KLRG1: variants seen among roughly 807,000 people sequenced by gnomAD.
KLRG1 encodes killer cell lectin-like receptor subfamily G member 1.
Under a neutral mutation model 21.8 loss-of-function variants are expected in KLRG1, and 16 were observed. The observed-to-expected ratio is 0.73, with a 90% confidence interval of 0.50 to 1.11. The LOEUF (loss-of-function observed/expected upper bound fraction) is 1.11, where lower values mean the gene tolerates loss of function less well. Ranked by LOEUF, KLRG1 falls within the 50% of genes most tolerant of loss-of-function variation. The pLI is 0.00. For synonymous variants in KLRG1, 69 were observed against 75.9 expected, an observed-to-expected ratio of 0.91 and a Z score of 0.47; for missense variants, 173 against 218.3, an observed-to-expected ratio of 0.79 and a Z score of 1.31.
the KLRG1 span, chr12:9,135,495 CGACATACA>C: frequency 2.8e-6 from 1 of 357,518 alleles, no homozygotes; most frequent in South Asian, 2.8e-5. Context: ...AAAACAGCAC[CGACATACA>C]AATGGTAGAC....
chr12:9,110,046 A>G, the KLRG1 span: 5 of 1,597,842 alleles, frequency 3.1e-6, no homozygotes, highest in Non-Finnish European at 1.7e-6. Context: ...CTATATGAGT[A>G]AATTAATTAT....
chr12:9,117,810 TTTTA>T, the KLRG1 span, among the ~76,000 whole-genome samples: 2 of 151,882 alleles, frequency 1.3e-5, no homozygotes, highest in Non-Finnish European at 2.9e-5. Flanking sequence ...TAATAGTGTA[TTTTA>T]TTTAATCCAA....
the KLRG1 span, among the ~76,000 whole-genome samples, chr12:9,018,095 C>T: frequency 6.6e-6 from 1 of 152,030 alleles, no homozygotes; most frequent in Non-Finnish European, 1.5e-5. Flanking sequence ...GACATTGATG[C>T]AAGAAATTGA....
chr12:8,955,806 G>T (rs1237188526), intron 1 of KLRG1, among the ~76,000 whole-genome samples: 1 of 152,026 alleles, frequency 6.6e-6, no homozygotes, highest in Non-Finnish European at 1.5e-5. Flanking sequence ...GGTAGATACG[G>T]GCGGGTCCCT....
chr12:9,197,052 T>A, the KLRG1 span: 1 of 1,613,698 alleles, frequency 6.2e-7, no homozygotes, highest in South Asian at 1.1e-5. Flanking sequence ...CTTGTCACAA[T>A]TAAGAACACG....
chr12:9,112,602 T>A, the KLRG1 span: 1 of 1,569,094 alleles, frequency 6.4e-7, no homozygotes, highest in Non-Finnish European at 8.7e-7. Flanking sequence ...TATTTGCTGT[T>A]GCACTCTTCC....
chr12:9,190,294 C>T, the KLRG1 span, among the ~76,000 whole-genome samples: 85,191 of 151,978 alleles, frequency 0.56, 23,915 homozygotes, highest in Admixed American at 0.63. Flanking sequence ...GTGGTACATA[C>T]ACACCATGGA....
At chr12:9,114,289 T>C in the KLRG1 span, among the ~76,000 whole-genome samples, 1 of 152,234 alleles carries the variant, frequency 6.6e-6, no homozygotes, top group Non-Finnish European at 1.5e-5. Context: ...ATCAACCCTG[T>C]AGTTTTTATA....
At chr12:9,208,743 A>G in the KLRG1 span, among the ~76,000 whole-genome samples, 1 of 152,164 alleles carries the variant, frequency 6.6e-6, no homozygotes. Context: ...TGCATTGCAG[A>G]TTCATTTCTG....
chr12:9,188,856 C>T, the KLRG1 span, among the ~76,000 whole-genome samples: 1 of 152,090 alleles, frequency 6.6e-6, no homozygotes, highest in Non-Finnish European at 1.5e-5. Context: ...AATTATAAAA[C>T]ACCGCTCAAA....
chr12:9,122,110 T>G, the KLRG1 span, among the ~76,000 whole-genome samples: 1 of 152,254 alleles, frequency 6.6e-6, no homozygotes, highest in Non-Finnish European at 1.5e-5. Flanking sequence ...GAAATCCTTC[T>G]GCATATGCAT....
At chr12:9,001,926 T>C (rs1194214755) in intron 3 of KLRG1, among the ~76,000 whole-genome samples, 2 of 152,246 alleles carry the variant, frequency 1.3e-5, no homozygotes, top group African/African-American at 4.8e-5. Flanking sequence ...ATTTCATTCT[T>C]GGTTTTTGCT....
At chr12:9,024,624 G>A in the KLRG1 span, among the ~76,000 whole-genome samples, 1 of 152,024 alleles carries the variant, frequency 6.6e-6, no homozygotes, top group Non-Finnish European at 1.5e-5. Flanking sequence ...AGCTTTAAAT[G>A]GCCCCACCAA....
At chr12:9,200,953 C>G in the KLRG1 span, 7 of 1,613,932 alleles carry the variant, frequency 4.3e-6, no homozygotes, top group Non-Finnish European at 4.2e-6. Context: ...GTACCACCAC[C>G]CTGTAGGAGC....
chr12:9,110,299 T>C, the KLRG1 span: 3 of 1,468,612 alleles, frequency 2.0e-6, no homozygotes, highest in Non-Finnish European at 2.8e-6. Flanking sequence ...ATATGGAATG[T>C]TTCATGTTGC....
At chr12:9,004,920 AT>A (rs1175812070) in intron 3 of KLRG1, among the ~76,000 whole-genome samples, 3 of 152,140 alleles carry the variant, frequency 2.0e-5, no homozygotes, top group African/African-American at 7.2e-5. Context: ...TGTTATTAAC[AT>A]TTTTTTAAAT....
chr12:9,160,332 C>G, the KLRG1 span: 3 of 1,611,612 alleles, frequency 1.9e-6, no homozygotes, highest in South Asian at 2.2e-5. Flanking sequence ...AGATAGCCAA[C>G]GGCCTTGGCC....
chr12:9,017,264 CAAAAAAAAAAAAA>C, the KLRG1 span, among the ~76,000 whole-genome samples: 9 of 53,130 alleles, frequency 1.7e-4, no homozygotes, highest in African/African-American at 5.6e-4. Flanking sequence ...AACTCCATCT[CAAAAAAAAAAAAA>C]AAAAAAAAAA....
At chr12:9,112,037 T>C in the KLRG1 span, 1 of 914,462 alleles carries the variant, frequency 1.1e-6, no homozygotes, top group South Asian at 1.3e-5. Flanking sequence ...GCTGTTGTAA[T>C]GCCAGAAGTT....
Sources: allele counts gnomAD v4.1 joint callset (sites outside exome capture counted in the v4.1 genomes callset), GRCh38; gene constraint gnomAD v4.1.1; transcripts MANE v1.5; gene names NCBI Gene and HGNC (gene_info 2026-07-23, HGNC 2026-07-21).